Variants in DYNC1I1 observed in about 807,000 individuals in gnomAD.
The protein encoded by DYNC1I1 is dynein cytoplasmic 1 intermediate chain 1, also known as cytoplasmic dynein 1 intermediate chain 1.
DYNC1I1 carries 43 observed loss-of-function variants against 86.6 expected under a neutral mutation model. The ratio of observed to expected loss-of-function variants is 0.50; its 90% CI spans 0.39 to 0.64. DYNC1I1 has a LOEUF of 0.64. DYNC1I1 is among the 30% of genes least tolerant of loss of function. The pLI, the probability that DYNC1I1 is intolerant of heterozygous loss-of-function variation, is 0.00. For missense variants in DYNC1I1, 604 were observed against 788.8 expected, an observed-to-expected ratio of 0.77 and a Z score of 2.81; for synonymous variants, 262 against 283.7, an observed-to-expected ratio of 0.92 and a Z score of 0.77.
chr7:96,009,013 T>A (rs1025044658), intron 10 of DYNC1I1, among the ~76,000 whole-genome samples: 2 of 152,146 alleles, frequency 1.3e-5, no homozygotes, highest in African/African-American at 2.4e-5. Context: ...CTTCATAACA[T>A]CAAATTTGTT....
In DYNC1I1 at chr7:96,081,067, C is replaced by CAAAAAAA. The variant is rs1278485393; in HGVS notation, c.1776+583_1776+589dup. On this transcript the variant is annotated intron_variant, in intron 16 of 16. Coordinates refer to ENST00000447467, the MANE Select transcript of DYNC1I1 (RefSeq NM_001135556.2). ...CCTGGGTGGCAGAGAGACTCCATCTCAAAAAAAAAAGAAAAAGAAAAGAAA... is the reference window on the plus strand; with the variant it reads ...CCTGGGTGGCAGAGAGACTCCATCTCAAAAAAAAAAAAAAAAAGAAAAAGAAAAGAAA... Among the ~76,000 whole-genome samples, 225 of 61,584 alleles carry CAAAAAAA rather than the reference C, an allele frequency of 3.7e-3. 1 individual carries two copies. The highest frequency in any genetic ancestry group is 0.019 in the African/African-American group (206 of 10,716). The allele number at this position is 61,584 out of a possible 152,430, so 40.4% of individuals were successfully genotyped here.
chr7:95,830,375 G>C (rs1297816607), intron 5 of DYNC1I1, among the ~76,000 whole-genome samples: 1 of 151,964 alleles, frequency 6.6e-6, no homozygotes, highest in African/African-American at 2.4e-5. Context: ...GCTTCTTCCT[G>C]TTCTTCCCTA....
chr7:95,963,065 T>C (rs987761049), intron 6 of DYNC1I1, among the ~76,000 whole-genome samples: 1 of 152,194 alleles, frequency 6.6e-6, no homozygotes, highest in African/African-American at 2.4e-5. Context: ...ATCTTTGCAC[T>C]GCTATATATT....
chr7:95,921,626 A>C (rs994956613), intron 6 of DYNC1I1, among the ~76,000 whole-genome samples: 3 of 152,176 alleles, frequency 2.0e-5, no homozygotes, highest in Non-Finnish European at 2.9e-5. Flanking sequence ...TCTTGTCTGC[A>C]CACACCCTGG....
chr7:95,969,035 AGAG>A (rs1793096503), intron 6 of DYNC1I1, among the ~76,000 whole-genome samples: 1 of 152,220 alleles, frequency 6.6e-6, no homozygotes, highest in South Asian at 2.1e-4. Context: ...ACGAGAATGT[AGAG>A]AAGAGAACTA....
chr7:95,792,899 C>A (rs1794340846), intron 1 of DYNC1I1, among the ~76,000 whole-genome samples: 1 of 151,906 alleles, frequency 6.6e-6, no homozygotes, highest in African/African-American at 2.4e-5. Context: ...CAAAAAAAAA[C>A]CACTTGGTAT....
intron 6 of DYNC1I1, among the ~76,000 whole-genome samples, chr7:95,896,083 G>A (rs1478994857): frequency 6.6e-6 from 1 of 152,232 alleles, no homozygotes; most frequent in African/African-American, 2.4e-5. Flanking sequence ...AAGCTGGGCT[G>A]CTACAGAGTA....
intron 6 of DYNC1I1, among the ~76,000 whole-genome samples, chr7:95,914,841 C>T (rs1791427215): frequency 6.6e-6 from 1 of 152,176 alleles, no homozygotes; most frequent in Non-Finnish European, 1.5e-5. Flanking sequence ...TGGCCTTTTC[C>T]TCCAGAAGTC....
At chr7:95,786,312 T>A (rs1441522045) in intron 1 of DYNC1I1, among the ~76,000 whole-genome samples, 1 of 152,178 alleles carries the variant, frequency 6.6e-6, no homozygotes, top group Non-Finnish European at 1.5e-5. Flanking sequence ...TGATCCCCAG[T>A]TCGCATCCTA....
Position 96,098,396 on chromosome 7 carries a change from CAG to C in DYNC1I1, c.*804_*805del. ...AGTCTATGGTTCCTAAATATGACAT[CAG>C]TGTTGCCAATAAAATGTTTCAAACC... On this transcript the variant is annotated 3_prime_UTR_variant, in exon 17 of 17. Transcript: ENST00000447467. 1 of 985,494 alleles carries C rather than the reference CAG, an allele frequency of 1.0e-6. No homozygotes were observed. The highest frequency in any genetic ancestry group is 1.7e-5 in the African/African-American group (1 of 57,370). 61.0% of individuals were successfully genotyped at this position (985,494 alleles called of 1,614,324 possible).
In DYNC1I1 at chr7:95,906,618, A is replaced by T. The variant is rs1196445688; in HGVS notation, c.490+36620A>T. 3.3e-5 allele frequency among the ~76,000 whole-genome samples: 5 copies of T among 151,780 alleles called. 1 individual carries two copies. The highest frequency in any genetic ancestry group is 5.9e-5 in the Non-Finnish European group (4 of 67,950). ...TAATTTTTTTTTCATTAAAAGATTG[A>T]GACTTAGTTGCTTTATTTGTTATTC... is the stretch of plus-strand genomic sequence containing the variant. On this transcript the variant is annotated intron_variant, in intron 6 of 16. Coordinates refer to ENST00000447467, the MANE Select transcript of DYNC1I1 (RefSeq NM_001135556.2).
At chr7:96,010,795 G>C (rs990849443) in intron 10 of DYNC1I1, among the ~76,000 whole-genome samples, 3 of 152,136 alleles carry the variant, frequency 2.0e-5, no homozygotes, top group Non-Finnish European at 2.9e-5. Context: ...CTAGCACAAT[G>C]ACTGTCTATA....
downstream of DYNC1I1, among the ~76,000 whole-genome samples, chr7:96,101,356 T>A (rs779911488): frequency 6.6e-6 from 1 of 152,078 alleles, no homozygotes; most frequent in Non-Finnish European, 1.5e-5. Context: ...CACTGTCCAG[T>A]CCTGAGCCAG....
intron 6 of DYNC1I1, among the ~76,000 whole-genome samples, chr7:95,941,470 G>GCT: frequency 6.6e-6 from 1 of 152,102 alleles, no homozygotes; most frequent in Non-Finnish European, 1.5e-5. Flanking sequence ...CGAGCTTCCC[G>GCT]GGCTGCTTTG....
At chr7:95,981,443 A>C (rs1290444451) in intron 7 of DYNC1I1, among the ~76,000 whole-genome samples, 1 of 148,246 alleles carries the variant, frequency 6.7e-6, no homozygotes, top group Non-Finnish European at 1.5e-5. Context: ...ATTCTATTGT[A>C]ATTTTGCAGG....
intron 12 of DYNC1I1, among the ~76,000 whole-genome samples, chr7:96,033,812 C>A (rs1794869533): frequency 6.6e-6 from 1 of 152,062 alleles, no homozygotes; most frequent in African/African-American, 2.4e-5. Flanking sequence ...GAGTTCAAGA[C>A]CAGCCTAGGC....
At chr7:95,990,612 ACT>A (rs1309122781) in intron 9 of DYNC1I1, among the ~76,000 whole-genome samples, 2 of 152,102 alleles carry the variant, frequency 1.3e-5, no homozygotes, top group Admixed American at 6.6e-5. Context: ...TTACTTATAC[ACT>A]CTGTATCAAC....
At chr7:95,848,733 G>C (rs961154277) in intron 5 of DYNC1I1, among the ~76,000 whole-genome samples, 1 of 151,980 alleles carries the variant, frequency 6.6e-6, no homozygotes, top group Non-Finnish European at 1.5e-5. Flanking sequence ...ATTTTCATTG[G>C]ATATTTATCT....
intron 4 of DYNC1I1, among the ~76,000 whole-genome samples, chr7:95,816,887 C>T (rs531185081): frequency 2.2e-4 from 34 of 152,166 alleles, no homozygotes; most frequent in Admixed American, 2.0e-3. Context: ...ATGTAGCAAA[C>T]TAGGAATAGA....
Sources: gnomAD v4.1 joint callset for allele counts (sites outside exome capture counted in the v4.1 genomes callset) on GRCh38, gnomAD v4.1.1 for gene constraint, MANE v1.5 for transcripts, NCBI Gene and HGNC (gene_info 2026-07-23, HGNC 2026-07-21) for gene names.